The following MOCS2 variants were observed in gnomAD, a reference collection of about 807,000 sequenced individuals.
MOCS2 encodes molybdopterin synthase catalytic subunit.
MOCS2 carries 13 observed loss-of-function variants against 21.9 expected under a neutral mutation model. That is an observed-to-expected ratio of 0.59 (90% CI 0.39 to 0.94). The LOEUF (loss-of-function observed/expected upper bound fraction) is 0.94. Among genes scored for constraint, MOCS2 ranks in the 40% least tolerant of loss-of-function variants. MOCS2 has a pLI of 0.00. For missense variants in MOCS2, 227 were observed against 218.3 expected, an observed-to-expected ratio of 1.04 and a Z score of -0.25; for synonymous variants, 92 against 80.8, an observed-to-expected ratio of 1.14 and a Z score of -0.74.
intron 1 of MOCS2, among the ~76,000 whole-genome samples, chr5:53,108,884 C>T (rs1741124607): frequency 1.3e-5 from 2 of 152,086 alleles, no homozygotes; most frequent in Admixed American, 1.3e-4. Flanking sequence ...TTAAGTGTGC[C>T]ATCATTAAAA....
rs1189858538 is a variant in MOCS2, at chr5:53,108,677, CAT to C, written c.-169-36_-169-35del. 1.9e-6 allele frequency: 3 copies of C among 1,604,854 alleles called. No individual in the cohort carries two copies. The African/African-American group carries it at 4.0e-5, about 21-fold the overall frequency. On this transcript the variant is annotated intron_variant, in intron 1 of 6. Transcript: ENST00000396954. ...AAAGAAAATGCTTTTAATAACAACT[CAT>C]ACTCGTTTTCTGACTGTCAATGTTG...
chr5:53,100,462 A>G lies in MOCS2; in HGVS notation c.450T>C (p.Ala150=), dbSNP rs1468263783. The change falls in exon 6 of 7, where the codon GCT becomes GCC. Residue 150 remains alanine (A), a synonymous_variant. Transcript: ENST00000396954. ...SSAHRAASLE[A]VSYAIDTLKA... The stretch of plus-strand genomic sequence containing the variant: ...TTAAAGTATCAATGGCATAGCTCAC[A>G]GCTTCAAGAGATGCAGCTCTGTGGG... The G allele has an allele frequency of 1.2e-6, 2 of 1,613,816 alleles. No homozygotes were observed. The highest frequency in any genetic ancestry group is 1.7e-6 in the Non-Finnish European group (2 of 1,179,854).
At position 53,108,606 on chromosome 5, in the gene MOCS2, G is replaced by C. The variant is rs372782831; in HGVS notation, c.-132C>G. 37 of 1,613,458 alleles carry C rather than the reference G, an allele frequency of 2.3e-5. No individual in the cohort carries two copies. The African/African-American group carries it at 4.3e-4, about 19-fold the overall frequency. On this transcript the variant is annotated 5_prime_UTR_variant, in exon 2 of 7. Transcript: ENST00000396954. ...AGAAATGGTCTCTGAACGAACTCCT[G>C]TTATTTCAGCACTTTTTGCAAAATA...
At position 53,109,722 on chromosome 5, in the gene MOCS2, G is replaced by A. The variant is rs376971119; in HGVS notation, c.-641C>T. On this transcript the variant is annotated 5_prime_UTR_variant, in exon 1 of 7. Transcript: ENST00000396954. ...ACCCGCCACCCTTACCTGGCACAGC[G>A]GCACCATCCCGCCTAGGACAGCGGG... 4.1e-5 allele frequency: 63 copies of A among 1,551,882 alleles called. No individual in the cohort carries two copies. The highest frequency in any genetic ancestry group is 5.1e-5 in the Non-Finnish European group (59 of 1,147,814).
chr5:53,101,603 A>G, intron 4 of MOCS2, 94 bp from the exon 5 acceptor site: 2 of 936,640 alleles, frequency 2.1e-6, no homozygotes, highest in Non-Finnish European at 3.3e-6. Context: ...AATATTTTTA[A>G]TAGTAAATTA....
At chr5:53,104,168 C>A (rs1380068516) in intron 3 of MOCS2, among the ~76,000 whole-genome samples, 2 of 152,194 alleles carry the variant, frequency 1.3e-5, no homozygotes, top group African/African-American at 4.8e-5. Flanking sequence ...GGAAACAGCA[C>A]AATTCTTTAT....
intron 1 of MOCS2, 130 bp downstream of exon 1, chr5:53,109,121 T>G: frequency 4.5e-6 from 1 of 220,162 alleles, no homozygotes; most frequent in Non-Finnish European, 7.7e-6. Flanking sequence ...AGGATTAAGT[T>G]ATGCAACATA....
intron 2 of MOCS2, chr5:53,107,503 G>T (rs1051832491): frequency 2.5e-6 from 1 of 407,316 alleles, no homozygotes; most frequent in African/African-American, 2.0e-5. Flanking sequence ...CAGACTGGAG[G>T]CAACACTCAA....
chr5:53,100,360 C>G, intron 6 of MOCS2, 51 bp downstream of exon 6: 2 of 1,608,204 alleles, frequency 1.2e-6, no homozygotes, highest in Non-Finnish European at 8.5e-7. Context: ...TCTAAAAATT[C>G]CTGAGAAAAA....
chr5:53,109,689 G>C lies in MOCS2; in HGVS notation c.-608C>G. The C allele has an allele frequency of 6.4e-7, 1 of 1,552,276 alleles. No individual in the cohort carries two copies. Among genetic ancestry groups the C allele is most frequent in the Non-Finnish European group, 8.7e-7 (1 of 1,147,822 alleles). ...CGAGGAGGGCTCCGCACCCAGGCCC[G>C]CACGCACACCCGCCACCCTTACCTG... On this transcript the variant is annotated 5_prime_UTR_variant, in exon 1 of 7. Transcript: ENST00000396954.
chr5:53,102,548 A>C (rs1174466554), intron 3 of MOCS2, among the ~76,000 whole-genome samples: 1 of 135,016 alleles, frequency 7.4e-6, no homozygotes, highest in South Asian at 2.3e-4. Flanking sequence ...GATAATGTTG[A>C]TCACTGATTG....
In MOCS2 at chr5:53,098,267, CTAGT is replaced by C. The variant is rs1163052550; in HGVS notation, c.*331_*334del. The C allele has an allele frequency of 1.8e-5, 5 of 283,650 alleles. No homozygotes were observed. Among genetic ancestry groups the C allele is most frequent in the South Asian group, 1.6e-4 (3 of 19,112 alleles). 17.6% of individuals were successfully genotyped at this position (283,650 alleles called of 1,614,324 possible). A position where few individuals can be genotyped will look rare whatever the true frequency, so the allele number is the denominator to read the frequency against. ...GTTGGTGGGGGAGTACGTTTCTGAGCTAGTTAAAGTCACTGAGGAGGGCCCATAC... is the reference window on the plus strand; with the variant it reads ...GTTGGTGGGGGAGTACGTTTCTGAGCTAAAGTCACTGAGGAGGGCCCATAC... On this transcript the variant is annotated 3_prime_UTR_variant, in exon 7 of 7. Coordinates refer to ENST00000396954, the MANE Select transcript of MOCS2 (RefSeq NM_004531.5).
chr5:53,097,839 A>C lies in MOCS2; in HGVS notation c.*763T>G, dbSNP rs1740789430. ...AGTCTATCAAAATACTATAAAGCTT[A>C]ACCAGTTAAAAATTGGGGCATTGTT... On this transcript the variant is annotated 3_prime_UTR_variant, in exon 7 of 7. Coordinates refer to ENST00000396954, the MANE Select transcript of MOCS2 (RefSeq NM_004531.5). The C allele has an allele frequency of 6.6e-6, 1 of 152,222 alleles. No homozygotes were observed. The allele number at this position is 152,222 out of a possible 1,614,324, so 9.4% of individuals were successfully genotyped here. A position where few individuals can be genotyped will look rare whatever the true frequency, so the allele number is the denominator to read the frequency against.
rs146565392 is a variant in MOCS2, at chr5:53,102,221, T to C, written c.102A>G (p.Lys34=). ...VEDSAFEPSR[K]DMDEVEEKSK... is the part of the protein sequence containing the mutation. ...ATTTCTCTTCAACTTCATCCATATC[T>C]TTCCTAGAAATAATACATTAACAAA... The change falls in exon 4 of 7, where the codon AAA becomes AAG. Residue 34 remains lysine (K), a synonymous_variant. Transcript: ENST00000396954. 1.5e-5 allele frequency: 24 copies of C among 1,611,820 alleles called. No homozygotes were observed. In the African/African-American group the frequency reaches 2.7e-4, roughly 18 times the overall value.
At chr5:53,099,804 G>A (rs1740856631) in intron 6 of MOCS2, among the ~76,000 whole-genome samples, 1 of 152,190 alleles carries the variant, frequency 6.6e-6, no homozygotes, top group Non-Finnish European at 1.5e-5. Context: ...CATTGAATGT[G>A]CAACCACAGA....
intron 6 of MOCS2, among the ~76,000 whole-genome samples, chr5:53,099,130 T>C (rs1413574389): frequency 6.6e-6 from 1 of 152,174 alleles, no homozygotes. Flanking sequence ...GGAGAACATA[T>C]CACTTTCTCT....
At chr5:53,098,843 TAG>T in intron 6 of MOCS2, 176 bp from the exon 7 acceptor site, 2 of 615,518 alleles carry the variant, frequency 3.2e-6, no homozygotes, top group Non-Finnish European at 5.8e-6. Flanking sequence ...AGAAAGTCTT[TAG>T]TTTTAAACAT....
chr5:53,107,004 C>CA, intron 3 of MOCS2, 73 bp downstream of exon 3: 5 of 1,550,080 alleles, frequency 3.2e-6, no homozygotes, highest in Non-Finnish European at 4.4e-6. Flanking sequence ...ACATTAACAG[C>CA]AAACCACATA....
In MOCS2 at chr5:53,101,559, C is replaced by T. The variant is rs765588157; in HGVS notation, c.227-50G>A. ...AGAAAACAATTAAAATAAGGTTTTT[C>T]CCTACAAAAGAAATAGCACGTTAAT... On this transcript the variant is annotated intron_variant, in intron 4 of 6. Coordinates refer to ENST00000396954, the MANE Select transcript of MOCS2 (RefSeq NM_004531.5). 6.6e-6 allele frequency: 9 copies of T among 1,368,782 alleles called. No individual in the cohort carries two copies. In the African/African-American group the frequency reaches 8.7e-5, roughly 13 times the overall value. The allele number at this position is 1,368,782 out of a possible 1,614,324, so 84.8% of individuals were successfully genotyped here.
Sources: gnomAD v4.1 joint callset for allele counts (sites outside exome capture counted in the v4.1 genomes callset) on GRCh38, gnomAD v4.1.1 for gene constraint, MANE v1.5 for transcripts, NCBI Gene and HGNC (gene_info 2026-07-23, HGNC 2026-07-21) for gene names.